LMF1: variants seen among roughly 807,000 people sequenced by gnomAD.
LMF1 encodes transmembrane protein 112.
In LMF1, 68 loss-of-function variants were observed where a neutral mutation model predicts 60.6. The ratio of observed to expected loss-of-function variants is 1.12; its 90% CI spans 0.92 to 1.37. The LOEUF is 1.37. Ranked by LOEUF, LMF1 falls within the 40% of genes most tolerant of loss-of-function variation. The pLI, the probability that LMF1 is intolerant of heterozygous loss-of-function variation, is 0.00. For synonymous variants in LMF1, 418 were observed against 324.7 expected (o/e 1.29, Z -3.09); for missense variants, 948 against 767.2 (o/e 1.24, Z -2.78).
At chr16:920,803 G>A (rs60949950) in intron 3 of LMF1, among the ~76,000 whole-genome samples, 10,426 of 152,318 alleles carry the variant, frequency 0.068, 399 homozygotes, top group Non-Finnish European at 0.09. Context: ...ACACTGGAAC[G>A]TCAGGAATGA....
intron 4 of LMF1, among the ~76,000 whole-genome samples, chr16:895,441 G>C (rs1191080067): frequency 6.6e-6 from 1 of 152,224 alleles, no homozygotes; most frequent in African/African-American, 2.4e-5. Flanking sequence ...CCACACACGG[G>C]AGGGCCTTCG....
intron 2 of LMF1, among the ~76,000 whole-genome samples, chr16:941,084 A>G (rs1382655287): frequency 6.6e-6 from 1 of 152,192 alleles, no homozygotes; most frequent in Non-Finnish European, 1.5e-5. Flanking sequence ...TACTTTGTCT[A>G]AAGTTAATAC....
rs377089112 is a variant in LMF1 at position 963,426 on chromosome 16, AT to A, written c.193+7361del. The stretch of plus-strand genomic sequence containing the variant: ...TGTGTCTGTACACATGTGCACATGT[AT>A]ACATGTGCACCTGTGCATGGATGCC... On this transcript the variant is annotated intron_variant, in intron 1 of 10. Coordinates refer to ENST00000262301, the MANE Select transcript of LMF1 (RefSeq NM_022773.4). Among the ~76,000 whole-genome samples, 25 of 152,158 alleles carry A rather than the reference AT, an allele frequency of 1.6e-4. No homozygotes were observed. In the East Asian group the frequency reaches 3.3e-3, roughly 20 times the overall value.
intron 1 of LMF1, among the ~76,000 whole-genome samples, chr16:967,658 C>G (rs769232826): frequency 5.0e-4 from 76 of 152,226 alleles, no homozygotes; most frequent in Admixed American, 1.3e-4. Context: ...TGTCAGGCAT[C>G]CCCGACCACC....
intron 4 of LMF1, among the ~76,000 whole-genome samples, chr16:910,062 G>A (rs538004341): frequency 2.6e-5 from 4 of 152,338 alleles, no homozygotes; most frequent in South Asian, 4.1e-4. Flanking sequence ...TATCATTCCA[G>A]CCCAAAATGA....
intron 4 of LMF1, among the ~76,000 whole-genome samples, chr16:894,713 G>A (rs942130069): frequency 3.3e-5 from 5 of 152,242 alleles, no homozygotes; most frequent in African/African-American, 1.2e-4. Context: ...AGGTAGCGCT[G>A]TCTCACTGTT....
At chr16:949,769 G>A (rs1197597577) in intron 2 of LMF1, among the ~76,000 whole-genome samples, 4 of 107,570 alleles carry the variant, frequency 3.7e-5, no homozygotes, top group Non-Finnish European at 7.1e-5. Context: ...GCCAATGACA[G>A]AGTCAGCCAA....
rs563624841 is a variant in LMF1, at chr16:873,093, A to C, written c.898-1752T>G. On this transcript the variant is annotated intron_variant, in intron 6 of 10. Transcript: ENST00000262301. The stretch of plus-strand genomic sequence containing the variant: ...GCTTCGGGGCTCGGGGCCCTGCTCC[A>C]TGCAGAGGCATCCCCAGCTGCGCCC... The C allele has an allele frequency of 4.6e-5, 7 of 152,398 alleles. No individual in the cohort carries two copies. In the East Asian group the frequency reaches 1.3e-3, roughly 29 times the overall value. The allele number at this position is 152,398 out of a possible 1,614,324, so 9.4% of individuals were successfully genotyped here.
intron 10 of LMF1, among the ~76,000 whole-genome samples, chr16:856,798 G>C (rs2069196315): frequency 6.6e-6 from 1 of 152,248 alleles, no homozygotes; most frequent in African/African-American, 2.4e-5. Flanking sequence ...CGGAGGGCTT[G>C]AGAGTGTTGA....
Position 950,909 on chromosome 16 carries a change from CGACAGAGTCAGCCAAT to C in LMF1, c.503+3432_503+3447del, listed in dbSNP as rs1456872955. Among the ~76,000 whole-genome samples, 113 of 138,792 alleles carry C rather than the reference CGACAGAGTCAGCCAAT, an allele frequency of 8.1e-4. 2 individuals carry two copies. The highest frequency in any genetic ancestry group is 2.6e-3 in the African/African-American group (95 of 35,948). The allele number at this position is 138,792 out of a possible 152,430, so 91.1% of individuals were successfully genotyped here. A position where few individuals can be genotyped will look rare whatever the true frequency, so the allele number is the denominator to read the frequency against. ...GAGCCAACGACAGAGTCAGAGCCAA[CGACAGAGTCAGCCAAT>C]GACAGAGTCAGCCAATGACAGAGTC... On this transcript the variant is annotated intron_variant, in intron 2 of 10. Transcript: ENST00000262301.
At chr16:882,583 G>A (rs995806936) in intron 5 of LMF1, among the ~76,000 whole-genome samples, 10 of 152,252 alleles carry the variant, frequency 6.6e-5, no homozygotes, top group African/African-American at 2.4e-4. Flanking sequence ...CAGCAGAAGA[G>A]CCACCCAGGG....
At chr16:957,974 C>A (rs558757473) in intron 1 of LMF1, among the ~76,000 whole-genome samples, 23 of 152,208 alleles carry the variant, frequency 1.5e-4, no homozygotes, top group African/African-American at 4.6e-4. Context: ...GAGACTCAGT[C>A]TCTACAAAAT....
chr16:977,750 CAG>C (rs1255949354), intron 1 of LMF1, among the ~76,000 whole-genome samples: 3 of 152,018 alleles, frequency 2.0e-5, no homozygotes, highest in African/African-American at 7.2e-5. Context: ...GAGGGAGGGA[CAG>C]GGGCCTCTCC....
chr16:879,074 C>T (rs2070081935), intron 6 of LMF1, among the ~76,000 whole-genome samples: 1 of 151,690 alleles, frequency 6.6e-6, no homozygotes, highest in Non-Finnish European at 1.5e-5. Flanking sequence ...GTGGGCAGGA[C>T]GGGGCGTTAG....
chr16:871,285 G>A lies in LMF1; in HGVS notation c.954C>T (p.Pro318=), dbSNP rs772082077. 4.3e-6 allele frequency: 7 copies of A among 1,612,586 alleles called. No individual in the cohort carries two copies. The Admixed American group carries it at 1.2e-4, about 27-fold the overall frequency. Residue 318 remains proline, a synonymous_variant, in exon 7 of 11, where the codon CCC becomes CCT. Transcript: ENST00000262301. ...LSFLNWLTMV[P]SLACFDDATL... ...TGGCGTCATCAAAGCAGGCCAGGCT[G>A]GGCACCATAGTCAGCCAGTTCAGGA...
intron 1 of LMF1, among the ~76,000 whole-genome samples, chr16:954,900 T>C (rs1477687827): frequency 1.4e-5 from 2 of 147,054 alleles, no homozygotes; most frequent in Non-Finnish European, 3.0e-5. Flanking sequence ...CATACACATC[T>C]AAGTGAACTA....
chr16:965,570 T>C (rs1050641594), intron 1 of LMF1, among the ~76,000 whole-genome samples: 25 of 152,192 alleles, frequency 1.6e-4, no homozygotes, highest in Admixed American at 1.6e-3. Flanking sequence ...GCCTCCTCAA[T>C]GCTGCAAAGC....
chr16:970,938 G>A lies in LMF1; in HGVS notation c.43C>T (p.Leu15=). 1 of 1,552,914 alleles carries A rather than the reference G, an allele frequency of 6.4e-7. No homozygotes were observed. Residue 15 remains leucine (L), a synonymous_variant, in exon 1 of 11, where the codon CTG becomes TTG. Transcript: ENST00000262301. ...SPTMAAPAES[L]RRRKTGYSDP... is the part of the protein sequence containing the mutation. ...GAGTACCCAGTCTTCCGCCTCCTCA[G>A]CGACTCCGCGGGCGCCGCCATTGTT...
chr16:959,551 T>G (rs2072779036), intron 1 of LMF1, among the ~76,000 whole-genome samples: 1 of 151,718 alleles, frequency 6.6e-6, no homozygotes, highest in Non-Finnish European at 1.5e-5. Context: ...GACCAGGAGG[T>G]TGGGGGATGC....
Sources: allele counts gnomAD v4.1 joint callset (sites outside exome capture counted in the v4.1 genomes callset), GRCh38; gene constraint gnomAD v4.1.1; transcripts MANE v1.5; gene names NCBI Gene and HGNC (gene_info 2026-07-23, HGNC 2026-07-21).